ADNP: variants seen among roughly 807,000 people sequenced by gnomAD.
ADNP encodes the protein activity dependent neuroprotector homeobox, also known as activity-dependent neuroprotector homeobox protein.
In ADNP, 4 loss-of-function variants were observed where a neutral mutation model predicts 84.9. The observed-to-expected ratio is 0.05, with a 90% CI of 0.02 to 0.11. The LOEUF (loss-of-function observed/expected upper bound fraction) is 0.11. Ranked by LOEUF, ADNP falls within the 10% of genes least tolerant of loss-of-function variation. ADNP has a pLI of 1.00. For missense variants in ADNP, 1,132 were observed against 1,326.0 expected, an observed-to-expected ratio of 0.85 and a Z score of 2.27; for synonymous variants, 554 against 468.1, an observed-to-expected ratio of 1.18 and a Z score of -2.37.
chr20:50,915,988 A>C (rs989621956), intron 2 of ADNP, among the ~76,000 whole-genome samples: 5 of 152,220 alleles, frequency 3.3e-5, no homozygotes, highest in African/African-American at 1.2e-4. Flanking sequence ...ATTCTTACTA[A>C]CTTCATTGGA....
rs1363426951 is a variant in ADNP at position 50,892,296 on chromosome 20, G to A, written c.2418C>T (p.Asn806=). The A allele has an allele frequency of 6.2e-7, 1 of 1,614,112 alleles. No homozygotes were observed. The highest frequency in any genetic ancestry group is 1.7e-5 in the Admixed American group (1 of 60,014). Residue 806 remains asparagine (N), a synonymous_variant, in exon 6 of 6, where the codon AAC becomes AAT. Coordinates refer to ENST00000621696, the MANE Select transcript of ADNP (RefSeq NM_001282531.3). ...WKSDIASHFS[N]KRKKCVRDCE... ...AATCACGGACACACTTCTTCCTTTTGTTACTAAAATGGGAAGCGATGTCAC... is the reference window on the plus strand; with the variant it reads ...AATCACGGACACACTTCTTCCTTTTATTACTAAAATGGGAAGCGATGTCAC...
Position 50,899,789 on chromosome 20 carries a change from TAA to T in ADNP, c.201+2226_201+2227del, listed in dbSNP as rs35430512. ...AGTTTTTAACAACAGTTTAAAAAGT[TAA>T]AAAAAAAAAAAAAGTTTAAGACTAG... On this transcript the variant is annotated intron_variant, in intron 5 of 5. Coordinates refer to ENST00000621696, the MANE Select transcript of ADNP (RefSeq NM_001282531.3). Among the ~76,000 whole-genome samples the T allele has an allele frequency of 2.6e-3, 337 of 130,828 alleles. 2 individuals carry two copies. The highest frequency in any genetic ancestry group is 8.3e-3 in the African/African-American group (286 of 34,570). The allele number at this position is 130,828 out of a possible 152,430, so 85.8% of individuals were successfully genotyped here. A position where few individuals can be genotyped will look rare whatever the true frequency, so the allele number is the denominator to read the frequency against.
chr20:50,891,709 T>C lies in ADNP; in HGVS notation c.3005A>G (p.Gln1002Arg), dbSNP rs1234383375. ...CTTACTGCTCCTTGCATCTTCGCTT[T>C]GGGAAGACTCGTCAGACCAGGTTCC... is the stretch of plus-strand genomic sequence containing the variant. Reference protein sequence around the residue: ...KPGTWSDESSQSEDARSSKPA... With the variant: ...KPGTWSDESSRSEDARSSKPA... The change falls in exon 6 of 6, where the codon CAA (glutamine) becomes CGA (arginine). Residue 1002 changes from glutamine (Q) to arginine (R), a missense_variant. Physicochemically the swap from Gln to Arg is conservative, Grantham distance 43. Transcript: ENST00000621696. The C allele has an allele frequency of 1.2e-6, 2 of 1,614,236 alleles. No individual in the cohort carries two copies. Among genetic ancestry groups the C allele is most frequent in the Admixed American group, 3.3e-5 (2 of 60,032 alleles).
At chr20:50,904,949 G>T (rs1212773688) in intron 2 of ADNP, 100 bp from the exon 3 acceptor site, 1 of 152,058 alleles carries the variant, frequency 6.6e-6, no homozygotes, top group Non-Finnish European at 1.5e-5. Context: ...CTCGACCAAT[G>T]CATGCCCCCA....
At chr20:50,915,305 T>C (rs1272669275) in intron 2 of ADNP, among the ~76,000 whole-genome samples, 2 of 152,234 alleles carry the variant, frequency 1.3e-5, no homozygotes, top group Non-Finnish European at 2.9e-5. Flanking sequence ...GCCCTTATTC[T>C]TCCTATTTTA....
intron 2 of ADNP, among the ~76,000 whole-genome samples, chr20:50,920,224 T>C (rs1231724494): frequency 2.6e-4 from 33 of 127,404 alleles, no homozygotes; most frequent in African/African-American, 9.4e-4. Flanking sequence ...TTGCAGTCAC[T>C]GCACTCCAGC....
chr20:50,908,433 G>C (rs569916075), intron 2 of ADNP, among the ~76,000 whole-genome samples: 3 of 152,274 alleles, frequency 2.0e-5, no homozygotes, highest in East Asian at 3.9e-4. Context: ...GCTACTGCTT[G>C]CTGTTAAGAA....
intron 2 of ADNP, chr20:50,909,773 T>C (rs955537026): frequency 6.6e-6 from 1 of 152,220 alleles, no homozygotes; most frequent in Non-Finnish European, 1.5e-5. Context: ...ATGACTCAGT[T>C]TGACTAGTTA....
intron 5 of ADNP, among the ~76,000 whole-genome samples, chr20:50,901,321 T>TA (rs11470054): frequency 0.058 from 5,390 of 92,694 alleles, 506 homozygotes; most frequent in African/African-American, 0.14. Context: ...CTGGGGTATT[T>TA]AAAAAAAAAA....
chr20:50,930,039 T>C (rs913682710), intron 1 of ADNP, among the ~76,000 whole-genome samples: 1 of 151,064 alleles, frequency 6.6e-6, no homozygotes, highest in South Asian at 2.1e-4. Flanking sequence ...GGGATCAAGG[T>C]TGGGGGGGAG....
At chr20:50,914,702 G>A (rs184762721) in intron 2 of ADNP, among the ~76,000 whole-genome samples, 10 of 152,246 alleles carry the variant, frequency 6.6e-5, no homozygotes, top group Admixed American at 4.6e-4. Context: ...CATGCACCTT[G>A]TATCAGTCTC....
chr20:50,924,893 T>G (rs762015342), intron 2 of ADNP, among the ~76,000 whole-genome samples: 1 of 152,240 alleles, frequency 6.6e-6, no homozygotes, highest in African/African-American at 2.4e-5. Flanking sequence ...TTAACTTAAA[T>G]CTAAAACTGT....
chr20:50,908,618 C>CA (rs1158654664), intron 2 of ADNP, among the ~76,000 whole-genome samples: 1 of 151,722 alleles, frequency 6.6e-6, no homozygotes, highest in Non-Finnish European at 1.5e-5. Flanking sequence ...ACTAAAAATA[C>CA]AAAAAATTAG....
intron 2 of ADNP, among the ~76,000 whole-genome samples, chr20:50,915,432 T>C (rs1210759328): frequency 1.3e-5 from 2 of 152,224 alleles, no homozygotes; most frequent in Non-Finnish European, 2.9e-5. Context: ...AAAAAATTAA[T>C]CTTACACAGC....
At chr20:50,897,260 G>A (rs1008090897) in intron 5 of ADNP, among the ~76,000 whole-genome samples, 5 of 152,174 alleles carry the variant, frequency 3.3e-5, no homozygotes, top group African/African-American at 1.2e-4. Flanking sequence ...CAGACTTAAG[G>A]AGCTTGCTGA....
chr20:50,923,958 T>C (rs757256681), intron 2 of ADNP, among the ~76,000 whole-genome samples: 1 of 152,134 alleles, frequency 6.6e-6, no homozygotes, highest in Non-Finnish European at 1.5e-5. Flanking sequence ...GAATTGAAAA[T>C]TTTAATAAAT....
chr20:50,904,276 T>C, intron 3 of ADNP: 1 of 356,140 alleles, frequency 2.8e-6, no homozygotes, highest in Non-Finnish European at 5.2e-6. Context: ...TTGACTGCAG[T>C]GCACTCACGA....
chr20:50,914,971 C>T (rs574573079), intron 2 of ADNP, among the ~76,000 whole-genome samples: 29 of 146,842 alleles, frequency 2.0e-4, no homozygotes, highest in Admixed American at 5.3e-4. Flanking sequence ...CCCATGTACA[C>T]GTGTATTTTT....
chr20:50,926,937 T>TTC (rs11473330), intron 2 of ADNP, among the ~76,000 whole-genome samples: 72,570 of 151,912 alleles, frequency 0.48, 19,771 homozygotes, highest in African/African-American at 0.77. Flanking sequence ...ATCAATAAAC[T>TTC]TGAGTATTTT....
Sources: allele counts gnomAD v4.1 joint callset (sites outside exome capture counted in the v4.1 genomes callset), GRCh38; gene constraint gnomAD v4.1.1; transcripts MANE v1.5; gene names NCBI Gene and HGNC (gene_info 2026-07-23, HGNC 2026-07-21).